Variants in MYO9A observed in about 807,000 individuals in gnomAD.
The protein encoded by MYO9A is unconventional myosin-IXa.
Under a neutral mutation model 293.3 loss-of-function variants are expected in MYO9A, and 103 were observed. The observed-to-expected ratio is 0.35, with a 90% CI of 0.30 to 0.41. MYO9A has a LOEUF of 0.41. Among genes scored for constraint, MYO9A ranks in the 10% least tolerant of loss-of-function variants. The pLI is 1.00. For synonymous variants in MYO9A, 1,001 were observed against 1,035.7 expected, an observed-to-expected ratio of 0.97 and a Z score of 0.64; for missense variants, 2,685 against 3,033.0, an observed-to-expected ratio of 0.89 and a Z score of 2.69.
intron 39 of MYO9A, among the ~76,000 whole-genome samples, chr15:71,836,138 GATTTGTATCTGGAATTCATAAAGA>G: frequency 6.6e-6 from 1 of 151,984 alleles, no homozygotes; most frequent in Non-Finnish European, 1.5e-5. Flanking sequence ...AACAATAAAG[GATTTGTATCTGGAATTCATAAAGA>G]ATCCCTACAG....
chr15:72,054,050 C>G (rs1348068924), intron 1 of MYO9A, among the ~76,000 whole-genome samples: 4 of 152,150 alleles, frequency 2.6e-5, no homozygotes, highest in Non-Finnish European at 5.9e-5. Context: ...TCAGTAGACA[C>G]ACATCTATAA....
chr15:71,973,718 T>C (rs1020452589), intron 12 of MYO9A, among the ~76,000 whole-genome samples: 3 of 152,202 alleles, frequency 2.0e-5, no homozygotes, highest in Non-Finnish European at 4.4e-5. Flanking sequence ...ATTCGCCCAA[T>C]GAATGTGTCT....
At chr15:72,109,154 G>C (rs975012166) in intron 1 of MYO9A, among the ~76,000 whole-genome samples, 2 of 152,044 alleles carry the variant, frequency 1.3e-5, no homozygotes, top group African/African-American at 2.4e-5. Flanking sequence ...CTGGGAGGCC[G>C]AGGCAGCAGG....
At chr15:72,013,263 A>G (rs1566948994) in intron 6 of MYO9A, among the ~76,000 whole-genome samples, 1 of 152,154 alleles carries the variant, frequency 6.6e-6, no homozygotes, top group Non-Finnish European at 1.5e-5. Context: ...GAGCTACTGT[A>G]TTTATTTATA....
Position 71,826,774 on chromosome 15 carries a change from G to A in MYO9A, c.7453C>T (p.Pro2485Ser). ...AAGGTTCCTCTGCTGATGAACTGAG[G>A]CTTGTCTTCCAGGAATTTGGTCTGG... ...LGQTKFLEDK[P>S]QFISRGTFNP... is the part of the protein sequence containing the mutation. Residue 2485 changes from proline (P) to serine (S), a missense_variant, in exon 42 of 42, where the codon CCT becomes TCT. By Grantham distance (74) the Pro-to-Ser change is moderately conservative. Transcript: ENST00000356056. The A allele has an allele frequency of 3.1e-6, 5 of 1,614,086 alleles. No individual in the cohort carries two copies. In the South Asian group the frequency reaches 3.3e-5, roughly 11 times the overall value.
In MYO9A at chr15:71,899,732, A is replaced by AT; in HGVS notation, c.3424dup (p.Ile1142AsnfsTer9). 1 of 1,613,846 alleles carries AT rather than the reference A, an allele frequency of 6.2e-7. No homozygotes were observed. The highest frequency in any genetic ancestry group is 8.5e-7 in the Non-Finnish European group (1 of 1,179,966). ...TCTACATGTTGATTGCAAAAGGATA[A>AT]TTTTTTTCCTTTGTTCTTGGTACCT... On this transcript the variant is annotated frameshift_variant, in exon 24 of 42. Transcript: ENST00000356056. LOFTEE classifies it high-confidence loss of function.
chr15:71,897,632 T>TAAA lies in MYO9A; in HGVS notation c.4870_4871insTTT (p.Asp1624delinsValTyr), dbSNP rs2057367447. On this transcript the variant is annotated protein_altering_variant, in exon 25 of 42. Transcript: ENST00000356056. Reference sequence around the variant, plus strand: ...TACATTCAGCTGGGTGCCCATTCTGTCTGTCTTGGATAATTCCTTGACAGT... The same window carrying TAAA: ...TACATTCAGCTGGGTGCCCATTCTGTAAACTGTCTTGGATAATTCCTTGACAGT... 1.9e-6 allele frequency: 3 copies of TAAA among 1,614,194 alleles called. No individual in the cohort carries two copies. The highest frequency in any genetic ancestry group is 1.7e-4 in the Middle Eastern group (1 of 6,060).
intron 1 of MYO9A, among the ~76,000 whole-genome samples, chr15:72,054,399 G>A (rs146794735): frequency 1.5e-3 from 221 of 152,232 alleles, no homozygotes; most frequent in African/African-American, 4.6e-3. Context: ...AGGGCCAGGC[G>A]CAGTGGTTCA....
intron 1 of MYO9A, among the ~76,000 whole-genome samples, chr15:72,097,007 T>C (rs2080084988): frequency 1.3e-5 from 2 of 152,228 alleles, no homozygotes; most frequent in South Asian, 4.1e-4. Flanking sequence ...GAAAGTGGTT[T>C]CTTGAGATAG....
chr15:72,033,399 C>G lies in MYO9A; in HGVS notation c.841-811G>C, dbSNP rs541686176. ...TTTATTATGCCTATTTAAAACAAAG[C>G]TAGAGTACTCATTACAAAAGAATAA... On this transcript the variant is annotated intron_variant, in intron 2 of 41. Transcript: ENST00000356056. Among the ~76,000 whole-genome samples the G allele has an allele frequency of 7.2e-5, 11 of 152,042 alleles. No homozygotes were observed. In the South Asian group the frequency reaches 1.2e-3, roughly 17 times the overall value.
chr15:72,070,359 C>A (rs375506381), intron 1 of MYO9A, among the ~76,000 whole-genome samples: 1 of 150,340 alleles, frequency 6.7e-6, no homozygotes, highest in Admixed American at 6.7e-5. Flanking sequence ...GAGGCTGAGG[C>A]AGGAGAATCA....
At chr15:71,888,325 G>A in intron 26 of MYO9A, 1 of 311,970 alleles carries the variant, frequency 3.2e-6, no homozygotes, top group Non-Finnish European at 5.8e-6. Context: ...AAAATAAACA[G>A]GATCTACCAG....
chr15:71,959,605 T>G (rs1488413326), intron 14 of MYO9A: 1 of 229,742 alleles, frequency 4.4e-6, no homozygotes, highest in East Asian at 9.2e-5. Context: ...TTTCTAAATT[T>G]CAAAGTTTTT....
At chr15:71,970,281 C>T (rs923683214) in intron 12 of MYO9A, among the ~76,000 whole-genome samples, 2 of 152,126 alleles carry the variant, frequency 1.3e-5, no homozygotes, top group African/African-American at 2.4e-5. Context: ...TTCCTAAATG[C>T]CACCCTACAT....
chr15:72,110,898 G>A (rs1327216460), intron 1 of MYO9A, among the ~76,000 whole-genome samples: 2 of 151,124 alleles, frequency 1.3e-5, no homozygotes, highest in Non-Finnish European at 3.0e-5. Context: ...GGTGGCTCAC[G>A]CCTGTAATCC....
At chr15:71,946,024 C>T (rs948712740) in intron 15 of MYO9A, among the ~76,000 whole-genome samples, 1 of 152,146 alleles carries the variant, frequency 6.6e-6, no homozygotes, top group African/African-American at 2.4e-5. Flanking sequence ...CATGGTCAAG[C>T]CAACCTTTCT....
intron 1 of MYO9A, among the ~76,000 whole-genome samples, chr15:72,056,959 A>C (rs1357426089): frequency 6.6e-6 from 1 of 152,166 alleles, no homozygotes; most frequent in African/African-American, 2.4e-5. Context: ...AAAGTACAAA[A>C]ATTAGCCAGG....
At chr15:72,115,483 T>C (rs1297932633) in intron 1 of MYO9A, among the ~76,000 whole-genome samples, 1 of 152,212 alleles carries the variant, frequency 6.6e-6, no homozygotes, top group East Asian at 1.9e-4. Flanking sequence ...ACCTAGATTT[T>C]ATCCTGTATG....
intron 4 of MYO9A, among the ~76,000 whole-genome samples, chr15:72,023,035 C>A (rs546990230): frequency 6.6e-6 from 1 of 151,990 alleles, no homozygotes; most frequent in Non-Finnish European, 1.5e-5. Flanking sequence ...CAGAAAGTCA[C>A]ATTTAATGAA....
Sources: gnomAD v4.1 joint callset for allele counts (sites outside exome capture counted in the v4.1 genomes callset) on GRCh38, gnomAD v4.1.1 for gene constraint, MANE v1.5 for transcripts, NCBI Gene and HGNC (gene_info 2026-07-23, HGNC 2026-07-21) for gene names.